PRH1: variants seen among roughly 807,000 people sequenced by gnomAD.
The protein encoded by PRH1 is proline rich protein HaeIII subfamily 1, also known as salivary acidic proline-rich phosphoprotein 1/2.
PRH1 carries 7 observed loss-of-function variants against 7.9 expected under a neutral mutation model. That is an observed-to-expected ratio of 0.89 (90% confidence interval 0.50 to 1.67). The LOEUF (loss-of-function observed/expected upper bound fraction) is 1.67. PRH1 is among the 40% of genes most tolerant of loss of function. The pLI, the probability that PRH1 is intolerant of heterozygous loss-of-function variation, is 0.00. For missense variants in PRH1, 109 were observed against 223.6 expected, an observed-to-expected ratio of 0.49 and a Z score of 3.27; for synonymous variants, 45 against 80.8, an observed-to-expected ratio of 0.56 and a Z score of 2.38.
intron 1 of PRH1, among the ~76,000 whole-genome samples, chr12:11,081,257 T>C (rs79116509): frequency 0.44 from 40,497 of 91,394 alleles, 6,435 homozygotes; most frequent in Non-Finnish European, 0.54. Flanking sequence ...ATCTAACTGG[T>C]TAACTCTGTC....
At chr12:10,923,437 A>G (rs1237733701) in intron 2 of PRH1, among the ~76,000 whole-genome samples, 1 of 152,108 alleles carries the variant, frequency 6.6e-6, no homozygotes, top group Non-Finnish European at 1.5e-5. Flanking sequence ...CCTTCGATGA[A>G]TTGTTTTATT....
At chr12:11,128,110 CAAAAA>C (rs71434172) in intron 1 of PRH1, among the ~76,000 whole-genome samples, 1 of 100,580 alleles carries the variant, frequency 9.9e-6, no homozygotes, top group Non-Finnish European at 1.9e-5. Context: ...GACTCAGTCT[CAAAAA>C]AAAAAAAAAG....
chr12:11,021,754 G>A (rs2136072939), intron 1 of PRH1: 2 of 1,614,194 alleles, frequency 1.2e-6, no homozygotes, highest in South Asian at 2.2e-5. Context: ...TGAGTGGAAT[G>A]AAGGATACAT....
intron 1 of PRH1, among the ~76,000 whole-genome samples, chr12:11,139,293 C>T (rs1946641630): frequency 6.6e-6 from 1 of 152,002 alleles, no homozygotes; most frequent in Admixed American, 6.6e-5. Context: ...GTTACCAAAC[C>T]TTGGTCAGAA....
At chr12:11,033,998 A>T (rs35804718) in intron 1 of PRH1, among the ~76,000 whole-genome samples, 62,561 of 144,896 alleles carry the variant, frequency 0.43, 14,356 homozygotes, top group Non-Finnish European at 0.5. Context: ...CTCCTGATAT[A>T]AGCAATATCC....
intron 1 of PRH1, among the ~76,000 whole-genome samples, chr12:11,098,251 A>G (rs931110308): frequency 2.0e-5 from 3 of 150,222 alleles, no homozygotes; most frequent in Non-Finnish European, 4.4e-5. Context: ...TTCTATATGC[A>G]CCTAATTTGT....
intron 2 of PRH1, among the ~76,000 whole-genome samples, chr12:10,962,947 T>A (rs556181290): frequency 1.1e-4 from 16 of 152,304 alleles, no homozygotes; most frequent in Admixed American, 3.3e-4. Flanking sequence ...TTTTTTTGTA[T>A]TTTTAGCAGA....
chr12:11,034,777 C>T (rs1942364457), intron 1 of PRH1: 1 of 152,280 alleles, frequency 6.6e-6, no homozygotes, highest in African/African-American at 2.4e-5. Flanking sequence ...AGTGAAGCTA[C>T]TCACAAGGCT....
intron 1 of PRH1, among the ~76,000 whole-genome samples, chr12:11,010,153 T>C (rs975433159): frequency 9.9e-5 from 15 of 152,008 alleles, no homozygotes; most frequent in Non-Finnish European, 1.2e-4. Flanking sequence ...CTTCACTTAA[T>C]TTCTAAATCT....
intron 2 of PRH1, among the ~76,000 whole-genome samples, chr12:10,958,701 A>C (rs1403633478): frequency 1.3e-5 from 2 of 152,202 alleles, no homozygotes; most frequent in Non-Finnish European, 2.9e-5. Context: ...TCCAAGAAGA[A>C]GGGACACAAG....
Position 11,151,412 on chromosome 12 carries a change from T to C in PRH1, n.39+20010A>G, listed in dbSNP as rs1048888599. On this transcript the variant is annotated intron_variant and non_coding_transcript_variant, in intron 1 of 1. Transcript: ENST00000541175. ...CACAGAGGGGACTCCCTGGAAACTCTGACCAATGAAAGATGAGAGCCAATA... is the reference window on the plus strand; with the variant it reads ...CACAGAGGGGACTCCCTGGAAACTCCGACCAATGAAAGATGAGAGCCAATA... Among the ~76,000 whole-genome samples the C allele has an allele frequency of 3.9e-5, 6 of 152,206 alleles. No individual in the cohort carries two copies. In the East Asian group the frequency reaches 1.2e-3, roughly 29 times the overall value.
intron 1 of PRH1, among the ~76,000 whole-genome samples, chr12:11,031,850 A>G (rs1354143875): frequency 6.6e-6 from 1 of 152,208 alleles, no homozygotes; most frequent in Non-Finnish European, 1.5e-5. Context: ...CAGAAAGTAT[A>G]GCTCGCTTCA....
intron 1 of PRH1, among the ~76,000 whole-genome samples, chr12:11,102,730 G>T (rs539086751): frequency 2.7e-4 from 41 of 152,232 alleles, no homozygotes; most frequent in African/African-American, 7.9e-4. Context: ...CACAGCAAAA[G>T]AAACTACTGT....
intron 2 of PRH1, among the ~76,000 whole-genome samples, chr12:10,929,919 G>A (rs1171034956): frequency 6.6e-6 from 1 of 152,174 alleles, no homozygotes; most frequent in Admixed American, 6.5e-5. Flanking sequence ...TGTTGAGAAA[G>A]CTTGCAAACA....
Position 11,070,279 on chromosome 12 carries a change from G to A in PRH1, n.124-23091C>T, listed in dbSNP as rs545256217. Among the ~76,000 whole-genome samples the A allele has an allele frequency of 4.4e-4, 67 of 152,266 alleles. 1 individual carries two copies. Among genetic ancestry groups the A allele is most frequent in the Non-Finnish European group, 3.1e-4 (21 of 67,996 alleles). The stretch of plus-strand genomic sequence containing the variant: ...AAAATGGTGGAATATGACCTTCTGT[G>A]GGCATTCCACCAAAAAAGGGAAGAA... On this transcript the variant is annotated intron_variant and non_coding_transcript_variant, in intron 1 of 4. Transcript: ENST00000541977.
chr12:11,091,123 T>C (rs369135025), intron 1 of PRH1, among the ~76,000 whole-genome samples: 2,808 of 53,392 alleles, frequency 0.053, 847 homozygotes, highest in South Asian at 0.11. Context: ...CACATATATA[T>C]ATATATATAT....
intron 1 of PRH1, among the ~76,000 whole-genome samples, chr12:10,984,947 T>C (rs569968848): frequency 5.9e-5 from 9 of 152,200 alleles, no homozygotes; most frequent in Non-Finnish European, 1.0e-4. Flanking sequence ...ATTTCTATAC[T>C]ATTTTTACAT....
intron 1 of PRH1, among the ~76,000 whole-genome samples, chr12:11,136,869 G>T (rs1018004064): frequency 6.6e-6 from 1 of 152,130 alleles, no homozygotes; most frequent in Admixed American, 6.6e-5. Context: ...AAATGAAAAT[G>T]TGAGCCAGGC....
At chr12:10,890,366 C>T (rs961611361) in intron 2 of PRH1, among the ~76,000 whole-genome samples, 13 of 152,010 alleles carry the variant, frequency 8.6e-5, no homozygotes, top group African/African-American at 3.1e-4. Context: ...GCCCTATCCA[C>T]AAAGTCTTCC....
Sources: gnomAD v4.1 joint callset for allele counts (sites outside exome capture counted in the v4.1 genomes callset) on GRCh38, gnomAD v4.1.1 for gene constraint, MANE v1.5 for transcripts, NCBI Gene and HGNC (gene_info 2026-07-23, HGNC 2026-07-21) for gene names.